Variants in WIPF1 observed in about 807,000 individuals in gnomAD.
WIPF1 encodes WAS/WASL interacting protein family member 1, also known as WAS/WASL-interacting protein family member 1.
Under a neutral mutation model 35.4 loss-of-function variants are expected in WIPF1, and 13 were observed. The observed-to-expected ratio is 0.37, with a 90% CI of 0.24 to 0.58. The LOEUF (loss-of-function observed/expected upper bound fraction) is 0.58. WIPF1 is among the 20% of genes least tolerant of loss of function. The pLI, the probability that WIPF1 is intolerant of heterozygous loss-of-function variation, is 0.74. For missense variants in WIPF1, 591 were observed against 667.0 expected (o/e 0.89, Z 1.25); for synonymous variants, 267 against 266.3 (o/e 1.00, Z -0.02).
chr2:174,672,591 C>A (rs979719732), intron 1 of WIPF1, among the ~76,000 whole-genome samples: 16 of 152,194 alleles, frequency 1.1e-4, no homozygotes, highest in African/African-American at 3.4e-4. Flanking sequence ...TAGTCAAAAA[C>A]AGGCATGGTA....
At chr2:174,662,616 A>G (rs1292649828) in intron 1 of WIPF1, among the ~76,000 whole-genome samples, 1 of 152,226 alleles carries the variant, frequency 6.6e-6, no homozygotes, top group Non-Finnish European at 1.5e-5. Context: ...AAGTGTTTCT[A>G]TCTTCATGTC....
Position 174,622,484 on chromosome 2 carries a change from C to A in WIPF1, c.-38-36873G>T, listed in dbSNP as rs1332984346. Among the ~76,000 whole-genome samples the A allele has an allele frequency of 6.6e-6, 1 of 152,148 alleles. No individual in the cohort carries two copies. Among genetic ancestry groups the A allele is most frequent in the Non-Finnish European group, 1.5e-5 (1 of 68,030 alleles). On this transcript the variant is annotated intron_variant, in intron 1 of 8. Transcript: ENST00000272746. The surrounding 1 kb of genome is among the most constrained non-coding windows in gnomAD (Gnocchi z 5.1). ...TCTCCTAAAATCACCTCACAAACCA[C>A]CTGTGGTATGATTATCAAACTTTGA...
chr2:174,629,434 C>T lies in WIPF1; in HGVS notation c.-38-43823G>A, dbSNP rs1325495557. Among the ~76,000 whole-genome samples the T allele has an allele frequency of 4.6e-5, 7 of 151,740 alleles. No homozygotes were observed. The South Asian group carries it at 1.0e-3, about 22-fold the overall frequency. ...AGGAATAAAAAGCTCAGAGACAGGGCCAGGGAAGGAAGCATGCTGTCCATG... is the reference window on the plus strand; with the variant it reads ...AGGAATAAAAAGCTCAGAGACAGGGTCAGGGAAGGAAGCATGCTGTCCATG... On this transcript the variant is annotated intron_variant, in intron 1 of 8. Coordinates refer to the WIPF1 transcript ENST00000272746.
At chr2:174,677,860 A>C (rs1163982603) in intron 1 of WIPF1, among the ~76,000 whole-genome samples, 2 of 152,214 alleles carry the variant, frequency 1.3e-5, no homozygotes, top group Non-Finnish European at 2.9e-5. Flanking sequence ...GTAGTGCATA[A>C]TAAGGCTGAT....
At chr2:174,575,886 T>C (rs937725849) in intron 3 of WIPF1, among the ~76,000 whole-genome samples, 1 of 151,732 alleles carries the variant, frequency 6.6e-6, no homozygotes, top group African/African-American at 2.4e-5. Flanking sequence ...GAGGAGGAGA[T>C]GCCATAAAAG....
Position 174,562,525 on chromosome 2 carries a change from G to A in WIPF1, c.*22C>T. ...GCAACAGAAGCAGCTCTTGAGCTTG[G>A]GTAGAGAAGAGCAGGCAAAGATCAC... On this transcript the variant is annotated 3_prime_UTR_variant, in exon 8 of 8. Coordinates refer to ENST00000679041, the MANE Select transcript of WIPF1 (RefSeq NM_001375834.1). 6.2e-7 allele frequency: 1 copy of A among 1,614,150 alleles called. No individual in the cohort carries two copies. Among genetic ancestry groups the A allele is most frequent in the Non-Finnish European group, 8.5e-7 (1 of 1,180,022 alleles).
intron 1 of WIPF1, among the ~76,000 whole-genome samples, chr2:174,660,712 A>G (rs1170354085): frequency 1.3e-5 from 2 of 152,104 alleles, no homozygotes; most frequent in Non-Finnish European, 2.9e-5. Flanking sequence ...ACTGGATCAG[A>G]CCGTCTGCCT....
At chr2:174,605,569 A>C (rs1686134596) in intron 1 of WIPF1, among the ~76,000 whole-genome samples, 1 of 152,212 alleles carries the variant, frequency 6.6e-6, no homozygotes, top group East Asian at 1.9e-4. Flanking sequence ...AGATATTGAT[A>C]ATTGTTAGGT....
chr2:174,596,281 G>A (rs533614654), intron 1 of WIPF1, among the ~76,000 whole-genome samples: 159 of 152,302 alleles, frequency 1.0e-3, no homozygotes, highest in African/African-American at 3.7e-3. Flanking sequence ...ATGACTTTCA[G>A]GTAAGTCATT....
At chr2:174,567,262 AAG>A (rs3217351) in intron 6 of WIPF1, 79 bp from the exon 7 acceptor site, 6 of 1,255,130 alleles carry the variant, frequency 4.8e-6, no homozygotes, top group East Asian at 2.3e-5. Flanking sequence ...CACAGAATGA[AAG>A]AGAGAGAGAA....
At chr2:174,633,101 G>A (rs955564221) in intron 1 of WIPF1, among the ~76,000 whole-genome samples, 17 of 152,118 alleles carry the variant, frequency 1.1e-4, no homozygotes, top group African/African-American at 3.6e-4. Flanking sequence ...GAGCTAGCAC[G>A]GGGTTTCTGA....
At chr2:174,626,851 C>G (rs762230718) in intron 1 of WIPF1, among the ~76,000 whole-genome samples, 1 of 152,188 alleles carries the variant, frequency 6.6e-6, no homozygotes, top group African/African-American at 2.4e-5. Flanking sequence ...AGTCTATTCT[C>G]AATACAGTGG....
intron 1 of WIPF1, chr2:174,673,659 C>T (rs193158106): frequency 2.0e-3 from 305 of 152,388 alleles, no homozygotes; most frequent in South Asian, 3.7e-3. Context: ...TTGTTTCTAT[C>T]CTGGACGTTT....
chr2:174,650,163 G>A (rs992803560), intron 1 of WIPF1, among the ~76,000 whole-genome samples: 2 of 152,008 alleles, frequency 1.3e-5, no homozygotes, highest in Non-Finnish European at 2.9e-5. Flanking sequence ...GACCCTCCCA[G>A]GTACAGCTGT....
At chr2:174,623,319 A>C (rs1481894925) in intron 1 of WIPF1, among the ~76,000 whole-genome samples, 1 of 152,188 alleles carries the variant, frequency 6.6e-6, no homozygotes, top group African/African-American at 2.4e-5. Context: ...AGTCTATCAC[A>C]AGACTGCACT....
rs969063882 is a variant in WIPF1, at chr2:174,648,293, G to C, written c.-39+34481C>G. 4.6e-5 allele frequency among the ~76,000 whole-genome samples: 7 copies of C among 151,988 alleles called. No individual in the cohort carries two copies. The East Asian group carries it at 9.7e-4, about 21-fold the overall frequency. On this transcript the variant is annotated intron_variant, in intron 1 of 8. Coordinates refer to the WIPF1 transcript ENST00000272746. ...TGGGTGGTGCCTAAAGTAGAACAAG[G>C]GTGCTATTTACTAAATTACTATCGC...
At chr2:174,680,729 G>A (rs1688228380) in intron 1 of WIPF1, among the ~76,000 whole-genome samples, 1 of 152,162 alleles carries the variant, frequency 6.6e-6, no homozygotes, top group Non-Finnish European at 1.5e-5. Context: ...TACAAGGTCA[G>A]GGCATACTAC....
At chr2:174,679,981 C>G (rs1044308889) in intron 1 of WIPF1, among the ~76,000 whole-genome samples, 1 of 152,172 alleles carries the variant, frequency 6.6e-6, no homozygotes, top group Non-Finnish European at 1.5e-5. Context: ...TCTTTCGATG[C>G]CTGGCACACA....
chr2:174,651,768 C>T (rs1017011591), intron 1 of WIPF1, among the ~76,000 whole-genome samples: 11 of 152,226 alleles, frequency 7.2e-5, no homozygotes, highest in Non-Finnish European at 1.3e-4. Context: ...CTAGATAAAA[C>T]CACTACCATT....
Sources: allele counts gnomAD v4.1 joint callset (sites outside exome capture counted in the v4.1 genomes callset), GRCh38; gene constraint gnomAD v4.1.1; non-coding constraint Gnocchi (gnomAD v3.1); transcripts MANE v1.5; gene names NCBI Gene and HGNC (gene_info 2026-07-23, HGNC 2026-07-21).